The following EHBP1 variants were observed in gnomAD, a reference collection of about 807,000 sequenced individuals.
The protein encoded by EHBP1 is EH domain-binding protein 1.
In EHBP1, 55 loss-of-function variants were observed where a neutral mutation model predicts 144.0. The observed-to-expected ratio is 0.38, with a 90% confidence interval of 0.31 to 0.48. The LOEUF (loss-of-function observed/expected upper bound fraction) is 0.48, where lower values mean the gene tolerates loss of function less well. Among genes scored for constraint, EHBP1 ranks in the 20% least tolerant of loss-of-function variants. The pLI, the probability that EHBP1 is intolerant of heterozygous loss-of-function variation, is 0.98. For missense variants in EHBP1, 1,200 were observed against 1,364.2 expected (o/e 0.88, Z 1.90); for synonymous variants, 469 against 472.7 (o/e 0.99, Z 0.10).
intron 14 of EHBP1, among the ~76,000 whole-genome samples, chr2:62,976,683 A>T (rs905431539): frequency 6.6e-6 from 1 of 152,028 alleles, no homozygotes; most frequent in Non-Finnish European, 1.5e-5. Context: ...TACCTCTTCA[A>T]ATGCTTTCAT....
intron 10 of EHBP1, among the ~76,000 whole-genome samples, chr2:62,921,652 C>A (rs1558917856): frequency 6.6e-6 from 1 of 151,886 alleles, no homozygotes; most frequent in African/African-American, 2.4e-5. Context: ...GAAGTAAGTC[C>A]CTTCTTATCA....
intron 10 of EHBP1, among the ~76,000 whole-genome samples, chr2:62,941,711 A>G (rs1265857459): frequency 1.3e-5 from 2 of 152,226 alleles, no homozygotes; most frequent in East Asian, 1.9e-4. Flanking sequence ...TTAGGAGTAA[A>G]TACTTGTTCT....
chr2:62,996,836 G>A lies in EHBP1; in HGVS notation c.3103+70G>A, dbSNP rs1267945162. The A allele has an allele frequency of 4.5e-6, 7 of 1,567,464 alleles. No individual in the cohort carries two copies. The Admixed American group carries it at 1.1e-4, about 24-fold the overall frequency. On this transcript the variant is annotated intron_variant, in intron 19 of 22. Transcript: ENST00000431489. The stretch of plus-strand genomic sequence containing the variant: ...GTTCACAAACTCTTATAGAGTTTTG[G>A]AAGTGTGAATCTTTGAAGCCTGAAT...
chr2:62,932,276 G>A (rs1193032460), intron 10 of EHBP1, among the ~76,000 whole-genome samples: 1 of 151,812 alleles, frequency 6.6e-6, no homozygotes, highest in African/African-American at 2.4e-5. Context: ...GCACACCCAT[G>A]TTCATAGCAG....
chr2:63,038,698 T>C, intron 20 of EHBP1, 45 bp from the exon 21 acceptor site: 1 of 1,549,136 alleles, frequency 6.5e-7, no homozygotes, highest in Non-Finnish European at 8.9e-7. Flanking sequence ...AAGTTTTTAA[T>C]GATTTAGTAA....
intron 10 of EHBP1, among the ~76,000 whole-genome samples, chr2:62,930,167 G>A (rs1314230714): frequency 6.6e-6 from 1 of 152,156 alleles, no homozygotes; most frequent in Non-Finnish European, 1.5e-5. Flanking sequence ...AGGATTGCTT[G>A]CGCCCAGAAT....
chr2:62,691,957 G>A (rs556603292), intron 1 of EHBP1, among the ~76,000 whole-genome samples: 2 of 152,170 alleles, frequency 1.3e-5, no homozygotes, highest in African/African-American at 2.4e-5. Context: ...GTACAATTTA[G>A]TGGTTTTTAG....
intron 10 of EHBP1, among the ~76,000 whole-genome samples, chr2:62,929,927 A>G (rs1490456988): frequency 6.6e-6 from 1 of 152,198 alleles, no homozygotes. Flanking sequence ...GCAATCCACG[A>G]AGGAAATTAA....
intron 9 of EHBP1, among the ~76,000 whole-genome samples, chr2:62,870,760 A>G (rs2050416446): frequency 6.7e-6 from 1 of 148,818 alleles, no homozygotes; most frequent in South Asian, 2.1e-4. Flanking sequence ...TGTATTTAAA[A>G]TATATATATG....
chr2:62,874,872 C>T (rs2050758119), intron 10 of EHBP1, among the ~76,000 whole-genome samples: 1 of 152,124 alleles, frequency 6.6e-6, no homozygotes, highest in African/African-American at 2.4e-5. Context: ...GGACACCCAC[C>T]CACCGCCTCC....
At chr2:62,771,250 A>G in intron 4 of EHBP1, 89 bp from the exon 5 acceptor site, 1 of 870,960 alleles carries the variant, frequency 1.1e-6, no homozygotes, top group Non-Finnish European at 1.7e-6. Flanking sequence ...GTAAAAGCTA[A>G]AAACAAGGCT....
At chr2:62,800,518 C>T (rs191145089) in intron 5 of EHBP1, among the ~76,000 whole-genome samples, 210 of 152,142 alleles carry the variant, frequency 1.4e-3, no homozygotes, top group Admixed American at 5.4e-3. Context: ...GTGTTTTATA[C>T]TGGCAGTTGT....
chr2:62,966,524 C>A (rs761980648), intron 14 of EHBP1, among the ~76,000 whole-genome samples: 5 of 152,052 alleles, frequency 3.3e-5, no homozygotes, highest in Admixed American at 6.6e-5. Context: ...GGTTGCTGTG[C>A]AGTAGAAGTG....
At chr2:62,760,623 G>C (rs542026201) in intron 3 of EHBP1, among the ~76,000 whole-genome samples, 91 of 152,276 alleles carry the variant, frequency 6.0e-4, no homozygotes, top group African/African-American at 2.1e-3. Flanking sequence ...CCAGTTGTTA[G>C]ACGGTCTCCG....
rs1184233854 is a variant in EHBP1 at position 62,948,755 on chromosome 2, T to C, written c.1909T>C (p.Cys637Arg). 6.2e-7 allele frequency: 1 copy of C among 1,614,140 alleles called. No individual in the cohort carries two copies. Among genetic ancestry groups the C allele is most frequent in the African/African-American group, 1.3e-5 (1 of 75,066 alleles). Reference sequence around the variant, plus strand: ...TTCAGGATCTGATGACCCTGGAATATGTTCCAATACAGATTCAACCCAAGC... The same window carrying C: ...TTCAGGATCTGATGACCCTGGAATACGTTCCAATACAGATTCAACCCAAGC... ...RTSGSDDPGI[C>R]SNTDSTQAQV... Residue 637 changes from cysteine to arginine, a missense_variant, in exon 13 of 23, where the codon TGT becomes CGT. Coordinates refer to ENST00000431489, the MANE Select transcript of EHBP1 (RefSeq NM_001142616.3).
At chr2:62,953,573 A>C (rs973316037) in intron 13 of EHBP1, among the ~76,000 whole-genome samples, 3 of 151,792 alleles carry the variant, frequency 2.0e-5, no homozygotes, top group Admixed American at 6.6e-5. Context: ...ATAAAATAAA[A>C]TAATAAAAAA....
chr2:62,898,691 G>A (rs759349371), intron 10 of EHBP1, among the ~76,000 whole-genome samples: 118 of 151,938 alleles, frequency 7.8e-4, no homozygotes, highest in Non-Finnish European at 1.5e-3. Flanking sequence ...GTATGCAATA[G>A]GTACTCAATA....
At chr2:62,778,019 A>G (rs2042162528) in intron 5 of EHBP1, among the ~76,000 whole-genome samples, 1 of 152,212 alleles carries the variant, frequency 6.6e-6, no homozygotes, top group Non-Finnish European at 1.5e-5. Context: ...GCATAAGATT[A>G]ACTTGGTTCT....
At chr2:62,864,332 A>G (rs1284199795) in intron 8 of EHBP1, among the ~76,000 whole-genome samples, 1 of 152,214 alleles carries the variant, frequency 6.6e-6, no homozygotes, top group Non-Finnish European at 1.5e-5. Flanking sequence ...TTTTAAAAAC[A>G]GAAATTTATT....
Sources: gnomAD v4.1 joint callset for allele counts (sites outside exome capture counted in the v4.1 genomes callset) on GRCh38, gnomAD v4.1.1 for gene constraint, MANE v1.5 for transcripts, NCBI Gene and HGNC (gene_info 2026-07-23, HGNC 2026-07-21) for gene names.